The following GRIP1 variants were observed in gnomAD, a reference collection of about 807,000 sequenced individuals.
GRIP1 encodes glutamate receptor interacting protein 1.
Under a neutral mutation model 129.9 loss-of-function variants are expected in GRIP1, and 45 were observed. The ratio of observed to expected loss-of-function variants is 0.35; its 90% CI spans 0.27 to 0.44. The LOEUF (loss-of-function observed/expected upper bound fraction) is 0.44, where lower values mean the gene tolerates loss of function less well. GRIP1 is among the 20% of genes least tolerant of loss of function. The pLI is 1.00. For synonymous variants in GRIP1, 530 were observed against 520.8 expected (o/e 1.02, Z -0.24); for missense variants, 1,196 against 1,396.8 (o/e 0.86, Z 2.29).
intron 17 of GRIP1, among the ~76,000 whole-genome samples, chr12:66,393,497 C>CT (rs2056674246): frequency 6.6e-6 from 1 of 152,092 alleles, no homozygotes; most frequent in South Asian, 2.1e-4. Flanking sequence ...CTAAGGTACA[C>CT]TGCAGCTCCA....
At chr12:66,782,196 T>TG (rs1278922542) in intron 1 of GRIP1, among the ~76,000 whole-genome samples, 8 of 152,198 alleles carry the variant, frequency 5.3e-5, no homozygotes, top group African/African-American at 1.9e-4. Context: ...TTTATATAAA[T>TG]GTTACACTTC....
At chr12:66,436,673 G>A (rs193170853) in intron 13 of GRIP1, among the ~76,000 whole-genome samples, 3 of 152,124 alleles carry the variant, frequency 2.0e-5, no homozygotes, top group Admixed American at 2.0e-4. Flanking sequence ...GTGGAGTATA[G>A]TACCTATATT....
intron 1 of GRIP1, among the ~76,000 whole-genome samples, chr12:66,950,448 T>A (rs1191811018): frequency 2.0e-5 from 3 of 152,184 alleles, no homozygotes; most frequent in Admixed American, 2.0e-4. Context: ...TTAATCAATT[T>A]ATTACTCAGT....
At chr12:67,057,852 T>C (rs1265635715) in intron 1 of GRIP1, among the ~76,000 whole-genome samples, 3 of 152,258 alleles carry the variant, frequency 2.0e-5, no homozygotes, top group East Asian at 3.8e-4. Context: ...TATATTGCCT[T>C]GTTCAAGGTT....
At chr12:66,556,895 C>T (rs766545731) in intron 2 of GRIP1, among the ~76,000 whole-genome samples, 3 of 150,884 alleles carry the variant, frequency 2.0e-5, no homozygotes, top group African/African-American at 4.9e-5. Flanking sequence ...AAAAGGAAGA[C>T]AGGAAGGAAT....
At chr12:66,558,248 A>G (rs1297457291) in intron 2 of GRIP1, among the ~76,000 whole-genome samples, 1 of 152,182 alleles carries the variant, frequency 6.6e-6, no homozygotes, top group South Asian at 2.1e-4. Context: ...ACTCACAGTT[A>G]CACATGGCTG....
intron 1 of GRIP1, among the ~76,000 whole-genome samples, chr12:67,060,724 G>C (rs1033243245): frequency 2.6e-5 from 4 of 151,540 alleles, no homozygotes; most frequent in Admixed American, 6.6e-5. Flanking sequence ...TGAGGAGGCT[G>C]AGGCAGGAGA....
At chr12:66,526,705 T>C (rs1172962777) in intron 5 of GRIP1, among the ~76,000 whole-genome samples, 15 of 151,660 alleles carry the variant, frequency 9.9e-5, no homozygotes, top group Non-Finnish European at 1.9e-4. Context: ...AAAGAGCTTC[T>C]GCACAGCAAA....
At chr12:66,790,240 T>C (rs554209861) in intron 1 of GRIP1, among the ~76,000 whole-genome samples, 45 of 152,292 alleles carry the variant, frequency 3.0e-4, no homozygotes, top group African/African-American at 9.6e-4. Flanking sequence ...CAAGCTAATA[T>C]TTCCAGCTAC....
At chr12:67,066,341 T>C (rs748780721) in intron 1 of GRIP1, among the ~76,000 whole-genome samples, 12 of 152,220 alleles carry the variant, frequency 7.9e-5, no homozygotes, top group Admixed American at 2.0e-4. Context: ...CTAAGATACA[T>C]ACTCCTTCAA....
chr12:66,366,674 A>ATTTTTG (rs914359780), intron 23 of GRIP1, among the ~76,000 whole-genome samples: 1 of 152,100 alleles, frequency 6.6e-6, no homozygotes, highest in Non-Finnish European at 1.5e-5. Context: ...TGTCAATATG[A>ATTTTTG]TTTTTGTTTT....
At chr12:67,053,848 AAATAAAT>A (rs2043388401) in intron 1 of GRIP1, among the ~76,000 whole-genome samples, 1 of 152,006 alleles carries the variant, frequency 6.6e-6, no homozygotes, top group Non-Finnish European at 1.5e-5. Context: ...AAAAAAAAAA[AAATAAAT>A]ATAAATAAAA....
At chr12:66,420,665 G>A (rs2137832708) in intron 15 of GRIP1, 55 bp downstream of exon 15, 1 of 965,842 alleles carries the variant, frequency 1.0e-6, no homozygotes, top group East Asian at 2.4e-5. Flanking sequence ...AAGGTGTCAT[G>A]TTTACTTAAA....
At chr12:66,354,318 G>A (rs367995647) in intron 23 of GRIP1, among the ~76,000 whole-genome samples, 110 of 152,284 alleles carry the variant, frequency 7.2e-4, no homozygotes, top group African/African-American at 2.6e-3. Flanking sequence ...ACCTGCGAGT[G>A]TTCATCTGAG....
intron 7 of GRIP1, among the ~76,000 whole-genome samples, chr12:66,510,240 G>A (rs895164955): frequency 6.6e-6 from 1 of 152,046 alleles, no homozygotes; most frequent in Non-Finnish European, 1.5e-5. Flanking sequence ...ATGACTCCAC[G>A]CTTGGCCTTC....
chr12:66,396,939 C>T (rs546468783), intron 16 of GRIP1, among the ~76,000 whole-genome samples: 5 of 151,258 alleles, frequency 3.3e-5, no homozygotes, highest in East Asian at 2.0e-4. Flanking sequence ...GATGAATCCC[C>T]GTCTTAACTA....
At chr12:66,395,719 C>G (rs1172536630) in intron 16 of GRIP1, among the ~76,000 whole-genome samples, 2 of 152,196 alleles carry the variant, frequency 1.3e-5, no homozygotes, top group African/African-American at 4.8e-5. Context: ...CCACCACACA[C>G]TGCAATGCTT....
At chr12:66,922,831 T>C (rs2041235124) in intron 1 of GRIP1, among the ~76,000 whole-genome samples, 1 of 152,170 alleles carries the variant, frequency 6.6e-6, no homozygotes. Context: ...ATAGAAAGCC[T>C]GGCCTAAGAA....
chr12:66,728,535 AC>A (rs922767597), intron 1 of GRIP1, among the ~76,000 whole-genome samples: 6 of 152,196 alleles, frequency 3.9e-5, no homozygotes, highest in Non-Finnish European at 7.3e-5. Flanking sequence ...CACTTCCCAG[AC>A]ATCTCATGTG....
Sources: allele counts gnomAD v4.1 joint callset (sites outside exome capture counted in the v4.1 genomes callset), GRCh38; gene constraint gnomAD v4.1.1; transcripts MANE v1.5; gene names NCBI Gene and HGNC (gene_info 2026-07-23, HGNC 2026-07-21).